Variants in PXDNL observed in about 807,000 individuals in gnomAD.
PXDNL encodes the protein peroxidasin like.
Under a neutral mutation model 150.8 loss-of-function variants are expected in PXDNL, and 145 were observed. The observed-to-expected ratio is 0.96, with a 90% CI of 0.84 to 1.10. The LOEUF is 1.10. Ranked by LOEUF, PXDNL falls within the 50% of genes least tolerant of loss-of-function variation. PXDNL has a pLI of 0.00. For synonymous variants in PXDNL, 757 were observed against 725.7 expected (o/e 1.04, Z -0.69); for missense variants, 2,087 against 1,873.9 (o/e 1.11, Z -2.10).
intron 14 of PXDNL, among the ~76,000 whole-genome samples, chr8:51,420,415 A>G (rs969845776): frequency 1.9e-4 from 29 of 152,318 alleles, no homozygotes; most frequent in African/African-American, 7.0e-4. Context: ...AAATTTACCC[A>G]AAACTTTTAA....
chr8:51,327,300 G>A (rs560890150), intron 21 of PXDNL, among the ~76,000 whole-genome samples: 19 of 152,148 alleles, frequency 1.2e-4, no homozygotes, highest in African/African-American at 2.2e-4. Flanking sequence ...TGTATAAAAC[G>A]CCAGTGAAAG....
At chr8:51,769,795 T>C (rs569174187) in intron 1 of PXDNL, among the ~76,000 whole-genome samples, 1 of 152,278 alleles carries the variant, frequency 6.6e-6, no homozygotes, top group African/African-American at 2.4e-5. Context: ...ACTCCCACCA[T>C]CTTTCTTATA....
In PXDNL at chr8:51,409,351, C is replaced by G. The variant is rs1244267078; in HGVS notation, c.2273G>C (p.Arg758Pro). ...AFARLLQPAY[R>P]DGIRAPRGLG... ...CCCGCGGGGCGCGCGGATGCCGTCCCGGTAGGCTGGCTGCAGCAGGCGCGC... is the reference window on the plus strand; with the variant it reads ...CCCGCGGGGCGCGCGGATGCCGTCCGGGTAGGCTGGCTGCAGCAGGCGCGC... The change falls in exon 17 of 23, where the codon CGG (arginine) becomes CCG (proline). Residue 758 changes from arginine (R) to proline (P), a missense_variant. Arg to Pro is a moderately radical substitution (Grantham distance 103). Coordinates refer to ENST00000356297, the MANE Select transcript of PXDNL (RefSeq NM_144651.5). The G allele has an allele frequency of 1.3e-5, 20 of 1,538,184 alleles. No individual in the cohort carries two copies. The highest frequency in any genetic ancestry group is 2.8e-5 in the African/African-American group (2 of 70,830).
At chr8:51,476,117 A>AAACG (rs1291991815) in intron 6 of PXDNL, among the ~76,000 whole-genome samples, 8 of 151,550 alleles carry the variant, frequency 5.3e-5, no homozygotes, top group Non-Finnish European at 8.8e-5. Context: ...ACAAACAAAC[A>AAACG]AAAAAGCTGT....
intron 4 of PXDNL, among the ~76,000 whole-genome samples, chr8:51,527,880 G>A (rs1263394001): frequency 6.6e-6 from 1 of 152,182 alleles, no homozygotes; most frequent in Non-Finnish European, 1.5e-5. Flanking sequence ...TTGCTTGGAG[G>A]TTAGGAGTGT....
At chr8:51,789,334 A>G (rs568933351) in intron 1 of PXDNL, among the ~76,000 whole-genome samples, 70 of 152,288 alleles carry the variant, frequency 4.6e-4, no homozygotes, top group African/African-American at 1.6e-3. Context: ...AAGAGGTAAA[A>G]TTCAATTTTT....
intron 4 of PXDNL, among the ~76,000 whole-genome samples, chr8:51,537,378 T>C (rs1372778240): frequency 6.6e-6 from 1 of 152,208 alleles, no homozygotes; most frequent in African/African-American, 2.4e-5. Context: ...AAAAGGAAAC[T>C]TAATCAGAAA....
intron 5 of PXDNL, among the ~76,000 whole-genome samples, chr8:51,493,531 G>GA (rs1273277002): frequency 1.3e-5 from 2 of 151,838 alleles, no homozygotes; most frequent in African/African-American, 2.4e-5. Flanking sequence ...TAAAAACCTT[G>GA]AAAAAAAATT....
At chr8:51,677,483 CA>C (rs1280222148) in intron 1 of PXDNL, among the ~76,000 whole-genome samples, 2 of 152,188 alleles carry the variant, frequency 1.3e-5, no homozygotes, top group African/African-American at 2.4e-5. Context: ...AGTTCCAGTG[CA>C]TAAAATGACT....
chr8:51,399,388 C>T (rs902618346), intron 17 of PXDNL, among the ~76,000 whole-genome samples: 1 of 152,130 alleles, frequency 6.6e-6, no homozygotes, highest in Non-Finnish European at 1.5e-5. Flanking sequence ...CAAACAATAC[C>T]ACTCACAATG....
chr8:51,620,041 G>A (rs10958282), intron 2 of PXDNL, among the ~76,000 whole-genome samples: 33,555 of 151,848 alleles, frequency 0.22, 3,865 homozygotes, highest in Admixed American at 0.31. Flanking sequence ...CTGGAGTATC[G>A]GCCATCACCC....
At chr8:51,404,226 T>C (rs955647211) in intron 17 of PXDNL, among the ~76,000 whole-genome samples, 1 of 152,240 alleles carries the variant, frequency 6.6e-6, no homozygotes, top group African/African-American at 2.4e-5. Context: ...GCTTCCACAC[T>C]GTCGAAAGAG....
chr8:51,471,479 C>G (rs1810331675), intron 8 of PXDNL, among the ~76,000 whole-genome samples: 1 of 152,108 alleles, frequency 6.6e-6, no homozygotes, highest in African/African-American at 2.4e-5. Context: ...TTAAATAATC[C>G]TATACTGATT....
At chr8:51,566,000 A>G (rs77714642) in intron 3 of PXDNL, among the ~76,000 whole-genome samples, 10 of 151,908 alleles carry the variant, frequency 6.6e-5, no homozygotes, top group Non-Finnish European at 1.3e-4. Context: ...TAGTTTGCTC[A>G]GGTTTTATCA....
At chr8:51,799,809 G>A (rs1157204630) in intron 1 of PXDNL, among the ~76,000 whole-genome samples, 1 of 152,110 alleles carries the variant, frequency 6.6e-6, no homozygotes, top group African/African-American at 2.4e-5. Flanking sequence ...TAAAACAAGG[G>A]TGCCAACTAG....
intron 4 of PXDNL, among the ~76,000 whole-genome samples, chr8:51,553,570 T>C (rs4449779): frequency 0.25 from 37,821 of 151,876 alleles, 5,438 homozygotes; most frequent in African/African-American, 0.38. Context: ...AGTTTATATA[T>C]GCGCATTGAA....
Position 51,600,121 on chromosome 8 carries a change from C to T in PXDNL, c.237-7423G>A, listed in dbSNP as rs1056441595. On this transcript the variant is annotated intron_variant, in intron 2 of 22. Coordinates refer to ENST00000356297, the MANE Select transcript of PXDNL (RefSeq NM_144651.5). Reference sequence around the variant, plus strand: ...ATAAATTATATCATATAAATTATATCGTTTAGATAATAAATTATACCTTAT... The same window carrying T: ...ATAAATTATATCATATAAATTATATTGTTTAGATAATAAATTATACCTTAT... Among the ~76,000 whole-genome samples, 3 of 142,388 alleles carry T rather than the reference C, an allele frequency of 2.1e-5. 1 individual carries two copies. The highest frequency in any genetic ancestry group is 4.5e-5 in the Non-Finnish European group (3 of 65,940). 93.4% of individuals were successfully genotyped at this position (142,388 alleles called of 152,430 possible).
intron 19 of PXDNL, among the ~76,000 whole-genome samples, chr8:51,370,014 C>G (rs1208930480): frequency 6.6e-6 from 1 of 152,208 alleles, no homozygotes; most frequent in Non-Finnish European, 1.5e-5. Flanking sequence ...CATGCACCTA[C>G]CCTACACGTG....
At chr8:51,386,687 C>T (rs4546651) in intron 17 of PXDNL, among the ~76,000 whole-genome samples, 81 of 151,898 alleles carry the variant, frequency 5.3e-4, no homozygotes, top group Middle Eastern at 3.4e-3. Flanking sequence ...CATGGTGGCA[C>T]GCACCTGTAG....
Sources: allele counts gnomAD v4.1 joint callset (sites outside exome capture counted in the v4.1 genomes callset), GRCh38; gene constraint gnomAD v4.1.1; transcripts MANE v1.5; gene names NCBI Gene and HGNC (gene_info 2026-07-23, HGNC 2026-07-21).